The following ACKR3 variants were observed in gnomAD, a reference collection of about 807,000 sequenced individuals.
The protein encoded by ACKR3 is atypical chemokine receptor 3.
ACKR3 carries 6 observed loss-of-function variants against 22.4 expected under a neutral mutation model. That is an observed-to-expected ratio of 0.27 (90% CI 0.15 to 0.53). The LOEUF (loss-of-function observed/expected upper bound fraction) is 0.53, where lower values mean the gene tolerates loss of function less well. Ranked by LOEUF, ACKR3 falls within the 20% of genes least tolerant of loss-of-function variation. The pLI is 0.96. For missense variants in ACKR3, 396 were observed against 475.2 expected (o/e 0.83, Z 1.55); for synonymous variants, 209 against 205.2 (o/e 1.02, Z -0.16).
chr2:236,573,190 G>A (rs527906685), intron 1 of ACKR3, among the ~76,000 whole-genome samples: 1 of 151,208 alleles, frequency 6.6e-6, no homozygotes, highest in East Asian at 1.9e-4. Context: ...ACACACACAT[G>A]CACACACACA....
At chr2:236,560,238 G>T in the ACKR3 span, among the ~76,000 whole-genome samples, 2 of 150,898 alleles carry the variant, frequency 1.3e-5, no homozygotes, top group Admixed American at 6.6e-5. Flanking sequence ...GTGTCCCATA[G>T]TGGCTGCACC....
the ACKR3 span, among the ~76,000 whole-genome samples, chr2:236,539,544 C>T: frequency 6.6e-6 from 1 of 151,966 alleles, no homozygotes; most frequent in Non-Finnish European, 1.5e-5. Context: ...AACTCCTAAC[C>T]TCAAGTGATC....
At chr2:236,572,150 A>G (rs1691323296) in intron 1 of ACKR3, among the ~76,000 whole-genome samples, 1 of 152,186 alleles carries the variant, frequency 6.6e-6, no homozygotes. Flanking sequence ...GGTGGCCCTG[A>G]TTTTGAATAT....
At chr2:236,564,300 C>A (rs1290284123), upstream of ACKR3, among the ~76,000 whole-genome samples, 8 of 152,246 alleles carry the variant, frequency 5.3e-5, no homozygotes, top group African/African-American at 1.9e-4. Context: ...AAGAACATTG[C>A]AACTGGGGCT....
chr2:236,568,219 G>A (rs1339806630), upstream of ACKR3, among the ~76,000 whole-genome samples: 4 of 152,254 alleles, frequency 2.6e-5, no homozygotes, highest in Non-Finnish European at 5.9e-5. Flanking sequence ...GCTCTGCAAT[G>A]CGGAGCGCGT....
chr2:236,575,080 G>A (rs753616588), intron 1 of ACKR3, among the ~76,000 whole-genome samples: 2 of 152,090 alleles, frequency 1.3e-5, no homozygotes, highest in Non-Finnish European at 2.9e-5. Context: ...GAAAGCTGAC[G>A]TTCACTGCTT....
chr2:236,544,114 C>T, the ACKR3 span, among the ~76,000 whole-genome samples: 11 of 150,634 alleles, frequency 7.3e-5, no homozygotes, highest in East Asian at 2.0e-4. This position sits in a 1 kb window ranked among gnomAD's most constrained non-coding sequence, Gnocchi z 5.0. Flanking sequence ...CTCAGCCTCC[C>T]GAGTAGCTGG....
At chr2:236,542,662 A>T in the ACKR3 span, among the ~76,000 whole-genome samples, 2 of 152,130 alleles carry the variant, frequency 1.3e-5, no homozygotes, top group Non-Finnish European at 2.9e-5. Context: ...CCACTCATTT[A>T]CACCAGCAAT....
chr2:236,544,834 C>T, the ACKR3 span, among the ~76,000 whole-genome samples: 38 of 152,190 alleles, frequency 2.5e-4, 2 homozygotes, highest in South Asian at 4.2e-3. The surrounding 1 kb of genome is among the most constrained non-coding windows in gnomAD (Gnocchi z 5.0). Flanking sequence ...AGTAGAGACA[C>T]GGAGTGCAGG....
upstream of ACKR3, chr2:236,567,698 G>C (rs1330551307): frequency 2.0e-5 from 3 of 152,286 alleles, no homozygotes; most frequent in Admixed American, 2.0e-4. Context: ...CCCCGCTGGC[G>C]CTTGGTCCGC....
At chr2:236,557,197 C>T in the ACKR3 span, among the ~76,000 whole-genome samples, 1 of 152,084 alleles carries the variant, frequency 6.6e-6, no homozygotes, top group South Asian at 2.1e-4. Context: ...ATTAGAGATG[C>T]TGGTGGGAAC....
chr2:236,546,926 G>A, the ACKR3 span, among the ~76,000 whole-genome samples: 3 of 152,270 alleles, frequency 2.0e-5, no homozygotes, highest in South Asian at 2.1e-4. This position sits in a 1 kb window ranked among gnomAD's most constrained non-coding sequence, Gnocchi z 4.9. Flanking sequence ...GGCCTTGGAG[G>A]TGGTTGTTCC....
chr2:236,544,551 C>T, the ACKR3 span, among the ~76,000 whole-genome samples: 1 of 151,936 alleles, frequency 6.6e-6, no homozygotes, highest in Non-Finnish European at 1.5e-5. The surrounding 1 kb of genome is among the most constrained non-coding windows in gnomAD (Gnocchi z 5.0). Context: ...GCTGAGGGCT[C>T]GTAGCTTGGG....
the ACKR3 span, among the ~76,000 whole-genome samples, chr2:236,555,812 C>A: frequency 7.4e-6 from 1 of 135,110 alleles, no homozygotes. Flanking sequence ...GGCCTTTTTA[C>A]CTTAAAGGAA....
At chr2:236,552,833 T>A in the ACKR3 span, among the ~76,000 whole-genome samples, 1 of 152,104 alleles carries the variant, frequency 6.6e-6, no homozygotes, top group Admixed American at 6.5e-5. Flanking sequence ...TAAGGAGATA[T>A]CACGCTGGCC....
chr2:236,564,224 C>T (rs936253505), upstream of ACKR3, among the ~76,000 whole-genome samples: 6 of 152,146 alleles, frequency 3.9e-5, no homozygotes, highest in Non-Finnish European at 8.8e-5. Context: ...TTGGAGGACT[C>T]TATTGGAGGC....
the ACKR3 span, among the ~76,000 whole-genome samples, chr2:236,560,889 G>C: frequency 6.6e-6 from 1 of 152,110 alleles, no homozygotes; most frequent in Non-Finnish European, 1.5e-5. Flanking sequence ...CAGTATCCAA[G>C]GTAAGGAAAC....
the ACKR3 span, among the ~76,000 whole-genome samples, chr2:236,554,762 A>G: frequency 6.6e-6 from 1 of 152,200 alleles, no homozygotes; most frequent in African/African-American, 2.4e-5. Flanking sequence ...TAACACACCA[A>G]ACTAGGAAAC....
At chr2:236,538,114 T>A in the ACKR3 span, among the ~76,000 whole-genome samples, 1 of 151,960 alleles carries the variant, frequency 6.6e-6, no homozygotes, top group Non-Finnish European at 1.5e-5. Flanking sequence ...TGAAAAGCAA[T>A]ATACATAAGC....
Sources: allele counts gnomAD v4.1 joint callset (sites outside exome capture counted in the v4.1 genomes callset), GRCh38; gene constraint gnomAD v4.1.1; non-coding constraint Gnocchi (gnomAD v3.1); transcripts MANE v1.5; gene names NCBI Gene and HGNC (gene_info 2026-07-23, HGNC 2026-07-21).